KCNJ12: variants seen among roughly 807,000 people sequenced by gnomAD.
KCNJ12 encodes potassium inwardly rectifying channel subfamily J member 12, also known as ATP-sensitive inward rectifier potassium channel 12.
A neutral mutation model predicts 22.3 loss-of-function variants in KCNJ12; 2 were observed. The ratio of observed to expected loss-of-function variants is 0.09; its 90% CI spans 0.04 to 0.28. The LOEUF is 0.28. KCNJ12 is among the 10% of genes least tolerant of loss of function. The probability of loss-of-function intolerance (pLI) is 1.00; values close to 1 mark genes in which losing one functional copy is unlikely to be tolerated. For synonymous variants in KCNJ12, 117 were observed against 261.4 expected (o/e 0.45, Z 5.33); for missense variants, 155 against 633.3 (o/e 0.24, Z 8.11).
rs564862254 is a variant in KCNJ12, at chr17:21,402,526, A to G, written c.-178-5993A>G. On this transcript the variant is annotated intron_variant, in intron 1 of 2. Coordinates refer to ENST00000583088, the MANE Select transcript of KCNJ12 (RefSeq NM_021012.5). The stretch of plus-strand genomic sequence containing the variant: ...CTGAACTGTAAATGGGGCCTGGGGC[A>G]GAGCGATAGGCTTTCTGGAAGGCCT... 5.2e-5 allele frequency among the ~76,000 whole-genome samples: 8 copies of G among 152,426 alleles called. No individual in the cohort carries two copies. The South Asian group carries it at 1.7e-3, about 32-fold the overall frequency.
At chr17:21,399,404 G>A (rs1025253386) in intron 1 of KCNJ12, among the ~76,000 whole-genome samples, 3 of 152,226 alleles carry the variant, frequency 2.0e-5, no homozygotes, top group Non-Finnish European at 4.4e-5. Flanking sequence ...GGCCATCTCA[G>A]TGGCCACCCA....
chr17:21,387,748 C>T (rs899813719), intron 1 of KCNJ12, among the ~76,000 whole-genome samples: 6 of 152,178 alleles, frequency 3.9e-5, no homozygotes, highest in East Asian at 1.9e-4. Flanking sequence ...CTCACTGAAG[C>T]GCTCACTTTT....
rs782375076 is a variant in KCNJ12, at chr17:21,416,534, G to C, written c.1192G>C (p.Gly398Arg). 1 of 1,609,604 alleles carries C rather than the reference G, an allele frequency of 6.2e-7. No homozygotes were observed. Among genetic ancestry groups the C allele is most frequent in the Non-Finnish European group, 8.5e-7 (1 of 1,177,658 alleles). Residue 398 changes from glycine to arginine, a missense_variant, in exon 3 of 3, where the codon GGC (glycine) becomes CGC (arginine). Gly to Arg is a moderately radical substitution (Grantham distance 125). Transcript: ENST00000583088. The stretch of plus-strand genomic sequence containing the variant: ...GGATGAGGCGGACGGAGACCAGGAC[G>C]GCCGAAGCCGGGACGGCCTCAGCCC... ...EEDEADGDQD[G>R]RSRDGLSPQA...
chr17:21,414,132 A>G (rs1906541765), intron 2 of KCNJ12, among the ~76,000 whole-genome samples: 2 of 152,308 alleles, frequency 1.3e-5, no homozygotes, highest in South Asian at 2.1e-4. Flanking sequence ...TGGGGTGTTC[A>G]AAGTGGGTGG....
chr17:21,377,942 C>T (rs1904723840), intron 1 of KCNJ12, among the ~76,000 whole-genome samples: 1 of 152,154 alleles, frequency 6.6e-6, no homozygotes, highest in African/African-American at 2.4e-5. Flanking sequence ...TTCTTTTTTG[C>T]TCCCCTATAC....
intron 1 of KCNJ12, among the ~76,000 whole-genome samples, chr17:21,387,650 C>T (rs982617443): frequency 3.3e-5 from 5 of 151,886 alleles, no homozygotes; most frequent in African/African-American, 1.2e-4. Context: ...GGAGATGACA[C>T]CTTTTATTAT....
In KCNJ12 at chr17:21,418,083, C is replaced by G. The variant is rs551851654; in HGVS notation, c.*1439C>G. ...TCCCCCAGGTTGAGGCACTATGGCA[C>G]CCTCATCAGGAAGAGGTTTGGGGTC... On this transcript the variant is annotated 3_prime_UTR_variant, in exon 3 of 3. Transcript: ENST00000583088. 1.2e-5 allele frequency: 2 copies of G among 167,068 alleles called. No homozygotes were observed. The highest frequency in any genetic ancestry group is 6.5e-5 in the Admixed American group (1 of 15,274). The allele number at this position is 167,068 out of a possible 1,614,324, so 10.3% of individuals were successfully genotyped here.
chr17:21,392,659 C>T (rs996024005), intron 1 of KCNJ12, among the ~76,000 whole-genome samples: 5 of 152,218 alleles, frequency 3.3e-5, no homozygotes, highest in Admixed American at 6.5e-5. Flanking sequence ...CCATCCTCCT[C>T]GAGTGGGTTC....
intron 1 of KCNJ12, among the ~76,000 whole-genome samples, chr17:21,379,801 G>T (rs925274838): frequency 6.6e-6 from 1 of 152,108 alleles, no homozygotes; most frequent in East Asian, 1.9e-4. Context: ...GGGTGGGGGG[G>T]GGCCTGGCAG....
intron 1 of KCNJ12, among the ~76,000 whole-genome samples, chr17:21,402,594 G>T (rs1905686681): frequency 2.0e-5 from 3 of 152,312 alleles, no homozygotes; most frequent in Middle Eastern, 3.2e-3. Context: ...TCAGCCTCCT[G>T]CCCATGGTAG....
chr17:21,379,090 A>G (rs868983792), intron 1 of KCNJ12, among the ~76,000 whole-genome samples: 1 of 152,208 alleles, frequency 6.6e-6, no homozygotes, highest in African/African-American at 2.4e-5. Context: ...AAGCAGGACA[A>G]AGTAACACTG....
chr17:21,386,351 T>G (rs1905068995), intron 1 of KCNJ12, among the ~76,000 whole-genome samples: 1 of 152,102 alleles, frequency 6.6e-6, no homozygotes, highest in African/African-American at 2.4e-5. Flanking sequence ...TCTCACTCTT[T>G]CTGTTATGAG....
intron 1 of KCNJ12, among the ~76,000 whole-genome samples, chr17:21,408,044 C>T (rs1278335598): frequency 7.9e-6 from 1 of 126,152 alleles, no homozygotes; most frequent in Non-Finnish European, 1.7e-5. Flanking sequence ...CATCCACCCA[C>T]CCAGCTATTC....
At chr17:21,406,800 T>C (rs12951958) in intron 1 of KCNJ12, among the ~76,000 whole-genome samples, 3 of 152,410 alleles carry the variant, frequency 2.0e-5, no homozygotes, top group Non-Finnish European at 2.9e-5. Flanking sequence ...AAACCAGCCT[T>C]GGCTGTAACC....
chr17:21,401,633 C>T (rs1203516685), intron 1 of KCNJ12, among the ~76,000 whole-genome samples: 6 of 152,302 alleles, frequency 3.9e-5, no homozygotes, highest in African/African-American at 1.4e-4. Flanking sequence ...AGGGGTGGTC[C>T]CATGGTGAGC....
At chr17:21,386,572 A>G (rs2144770756) in intron 1 of KCNJ12, among the ~76,000 whole-genome samples, 1 of 152,072 alleles carries the variant, frequency 6.6e-6, no homozygotes, top group Non-Finnish European at 1.5e-5. Flanking sequence ...CAGTGGCGTG[A>G]TCTCGGCTCA....
chr17:21,395,354 G>A (rs564973709), intron 1 of KCNJ12, among the ~76,000 whole-genome samples: 11 of 150,784 alleles, frequency 7.3e-5, no homozygotes, highest in Admixed American at 6.6e-4. Flanking sequence ...CAGCATTTTG[G>A]GAGGCCAAAG....
intron 1 of KCNJ12, among the ~76,000 whole-genome samples, chr17:21,395,293 GAAAA>G (rs1161884090): frequency 1.3e-4 from 7 of 55,658 alleles, no homozygotes; most frequent in Non-Finnish European, 2.1e-4. Flanking sequence ...AGATCCTAAA[GAAAA>G]AAAAAAAAAA....
chr17:21,380,019 C>G (rs1904810921), intron 1 of KCNJ12, among the ~76,000 whole-genome samples: 1 of 152,166 alleles, frequency 6.6e-6, no homozygotes, highest in African/African-American at 2.4e-5. Context: ...GACCCAGAGC[C>G]CTGGTGCTTT....
Sources: gnomAD v4.1 joint callset for allele counts (sites outside exome capture counted in the v4.1 genomes callset) on GRCh38, gnomAD v4.1.1 for gene constraint, MANE v1.5 for transcripts, NCBI Gene and HGNC (gene_info 2026-07-23, HGNC 2026-07-21) for gene names.